The following NNT variants were observed in gnomAD, a reference collection of about 807,000 sequenced individuals.
NNT encodes NAD(P) transhydrogenase, mitochondrial.
A neutral mutation model predicts 104.8 loss-of-function variants in NNT; 50 were observed. The observed-to-expected ratio is 0.48, with a 90% CI of 0.38 to 0.60. The LOEUF (loss-of-function observed/expected upper bound fraction) is 0.60. Among genes scored for constraint, NNT ranks in the 20% least tolerant of loss-of-function variants. The pLI is 0.00. For missense variants in NNT, 1,131 were observed against 1,330.7 expected, an observed-to-expected ratio of 0.85 and a Z score of 2.33; for synonymous variants, 461 against 490.4, an observed-to-expected ratio of 0.94 and a Z score of 0.79.
intron 19 of NNT, among the ~76,000 whole-genome samples, chr5:43,696,242 A>G (rs888175496): frequency 1.3e-5 from 2 of 152,190 alleles, no homozygotes; most frequent in Non-Finnish European, 2.9e-5. Flanking sequence ...AATTGGCCAA[A>G]ACAAAGGGAC....
intron 1 of NNT, among the ~76,000 whole-genome samples, chr5:43,604,043 T>C (rs1749074076): frequency 2.0e-5 from 3 of 152,274 alleles, no homozygotes; most frequent in Middle Eastern, 3.4e-3. Flanking sequence ...TGGCAGTTAG[T>C]TGCCGAGCAA....
At chr5:43,660,731 G>A (rs1186478064) in intron 17 of NNT, among the ~76,000 whole-genome samples, 1 of 152,154 alleles carries the variant, frequency 6.6e-6, no homozygotes, top group Non-Finnish European at 1.5e-5. Context: ...AGGGGAGAGA[G>A]TGAAGGGGGA....
intron 19 of NNT, among the ~76,000 whole-genome samples, chr5:43,680,857 T>C (rs2112128397): frequency 6.6e-6 from 1 of 152,146 alleles, no homozygotes; most frequent in South Asian, 2.1e-4. Context: ...CTAAAAGGAT[T>C]TTATGACAAC....
At chr5:43,665,237 A>ATTC (rs1276244230) in intron 17 of NNT, among the ~76,000 whole-genome samples, 1 of 147,580 alleles carries the variant, frequency 6.8e-6, no homozygotes, top group East Asian at 2.0e-4. Context: ...TATTATTATT[A>ATTC]TTATTTTTTA....
At chr5:43,613,165 T>C in intron 3 of NNT, 28 bp downstream of exon 3, 2 of 1,525,786 alleles carry the variant, frequency 1.3e-6, no homozygotes, top group Non-Finnish European at 1.8e-6. Flanking sequence ...CTCTCCCATT[T>C]ACAGCATGCT....
chr5:43,692,829 A>G (rs1232974792), intron 19 of NNT, among the ~76,000 whole-genome samples: 2 of 152,046 alleles, frequency 1.3e-5, no homozygotes, highest in Non-Finnish European at 2.9e-5. Flanking sequence ...ATAATCTCTT[A>G]CTATCCTTTC....
At position 43,704,594 on chromosome 5, in the gene NNT, G is replaced by C; in HGVS notation, c.*190G>C. 1 of 482,418 alleles carries C rather than the reference G, an allele frequency of 2.1e-6. No homozygotes were observed. Among genetic ancestry groups the C allele is most frequent in the South Asian group, 3.5e-5 (1 of 28,508 alleles). The allele number at this position is 482,418 out of a possible 1,614,324, so 29.9% of individuals were successfully genotyped here. On this transcript the variant is annotated 3_prime_UTR_variant, in exon 22 of 22. Transcript: ENST00000344920. ...GCAGTAATCCCTCAATTTTAAAAAA[G>C]GATTGAAAATTCTAAATGTCTTTCT...
chr5:43,648,236 A>G, intron 10 of NNT: 1 of 1,045,456 alleles, frequency 9.6e-7, no homozygotes. Flanking sequence ...TGTAAAATTA[A>G]TGTCAATCCC....
At chr5:43,640,638 A>G (rs1330871905) in intron 7 of NNT, among the ~76,000 whole-genome samples, 1 of 151,890 alleles carries the variant, frequency 6.6e-6, no homozygotes, top group Non-Finnish European at 1.5e-5. Context: ...TGATCTCTCC[A>G]CATCATACTA....
rs564408837 is a variant in NNT, at chr5:43,706,119, T to C, written c.*1715T>C. On this transcript the variant is annotated 3_prime_UTR_variant, in exon 22 of 22. Transcript: ENST00000344920. ...ATTTTTATTTAGTATTATCTTATTC[T>C]TTGCTATTTGCCAATCCTTTGTCAT... is the stretch of plus-strand genomic sequence containing the variant. 6.6e-6 allele frequency: 1 copy of C among 151,688 alleles called. No individual in the cohort carries two copies. Among genetic ancestry groups the C allele is most frequent in the South Asian group, 2.1e-4 (1 of 4,826 alleles). The allele number at this position is 151,688 out of a possible 1,614,324, so 9.4% of individuals were successfully genotyped here.
chr5:43,615,112 C>A (rs1251020040), intron 3 of NNT, among the ~76,000 whole-genome samples: 1 of 151,634 alleles, frequency 6.6e-6, no homozygotes, highest in East Asian at 1.9e-4. Flanking sequence ...AGTCCGCAGT[C>A]CGGCCTGGGC....
intron 17 of NNT, among the ~76,000 whole-genome samples, chr5:43,672,047 C>G (rs1335848473): frequency 6.6e-6 from 1 of 152,220 alleles, no homozygotes; most frequent in Non-Finnish European, 1.5e-5. Flanking sequence ...TCTTCAATCA[C>G]TGATACCCTT....
At chr5:43,640,122 C>A (rs1751147974) in intron 7 of NNT, among the ~76,000 whole-genome samples, 1 of 151,894 alleles carries the variant, frequency 6.6e-6, no homozygotes, top group Non-Finnish European at 1.5e-5. Flanking sequence ...TTATTATTTT[C>A]TTTTTTATCA....
Position 43,706,278 on chromosome 5 carries a change from A to G in NNT, c.*1874A>G, listed in dbSNP as rs531311946. On this transcript the variant is annotated 3_prime_UTR_variant, in exon 22 of 22. Coordinates refer to ENST00000344920, the MANE Select transcript of NNT (RefSeq NM_182977.3). ...CAAAAGGTTAGTGGACTTAGATTAT[A>G]AATTATGGCAAAAATCTAAAAACAA... 2 of 151,830 alleles carry G rather than the reference A, an allele frequency of 1.3e-5. No homozygotes were observed. Among genetic ancestry groups the G allele is most frequent in the South Asian group, 4.2e-4 (2 of 4,818 alleles). The allele number at this position is 151,830 out of a possible 1,614,324, so 9.4% of individuals were successfully genotyped here.
chr5:43,626,959 A>C (rs1172314132), intron 6 of NNT, among the ~76,000 whole-genome samples: 9 of 152,132 alleles, frequency 5.9e-5, no homozygotes. Context: ...CTTTTTAAAG[A>C]ACTATATCCC....
intron 13 of NNT, 117 bp downstream of exon 13, chr5:43,652,001 TACA>T: frequency 1.8e-6 from 2 of 1,087,020 alleles, no homozygotes; most frequent in South Asian, 3.2e-5. Context: ...GTCAAGCAAA[TACA>T]ACAATAACCC....
At position 43,615,886 on chromosome 5, in the gene NNT, T is replaced by C; in HGVS notation, c.420T>C (p.His140=). ...TGGTTAATCCAACATTAGGTGTTCA[T>C]GAAGCTGACCTTTTAAAGACATCAG... ...APMVNPTLGV[H]EADLLKTSGT... Residue 140 remains histidine (H), a synonymous_variant, in exon 4 of 22, where the codon CAT becomes CAC. Coordinates refer to ENST00000344920, the MANE Select transcript of NNT (RefSeq NM_182977.3). 6.2e-7 allele frequency: 1 copy of C among 1,614,222 alleles called. No homozygotes were observed. The highest frequency in any genetic ancestry group is 1.1e-5 in the South Asian group (1 of 91,084).
At chr5:43,631,478 G>A (rs1020459569) in intron 7 of NNT, among the ~76,000 whole-genome samples, 1 of 152,150 alleles carries the variant, frequency 6.6e-6, no homozygotes, top group Non-Finnish European at 1.5e-5. Flanking sequence ...GCGCATTAGC[G>A]GGGAAGTTAT....
intron 17 of NNT, among the ~76,000 whole-genome samples, chr5:43,671,927 G>A (rs1402425853): frequency 1.3e-5 from 2 of 152,144 alleles, no homozygotes; most frequent in African/African-American, 4.8e-5. Context: ...ACACCAATGA[G>A]ACGTAGATTT....
Sources: allele counts gnomAD v4.1 joint callset (sites outside exome capture counted in the v4.1 genomes callset), GRCh38; gene constraint gnomAD v4.1.1; transcripts MANE v1.5; gene names NCBI Gene and HGNC (gene_info 2026-07-23, HGNC 2026-07-21).